EPRS1: variants seen among roughly 807,000 people sequenced by gnomAD.
EPRS1 encodes the protein glutamyl-prolyl-tRNA synthetase 1.
A neutral mutation model predicts 188.3 loss-of-function variants in EPRS1; 107 were observed. That is an observed-to-expected ratio of 0.57 (90% CI 0.49 to 0.67). The LOEUF (loss-of-function observed/expected upper bound fraction) is 0.67, where lower values mean the gene tolerates loss of function less well. Ranked by LOEUF, EPRS1 falls within the 30% of genes least tolerant of loss-of-function variation. EPRS1 has a pLI of 0.00. For missense variants in EPRS1, 1,577 were observed against 1,802.2 expected (o/e 0.88, Z 2.26); for synonymous variants, 596 against 593.1 (o/e 1.00, Z -0.07).
intron 24 of EPRS1, 53 bp downstream of exon 24, chr1:219,981,317 TAAAAAAAA>T: frequency 2.1e-6 from 2 of 968,724 alleles, no homozygotes; most frequent in South Asian, 4.3e-5. Flanking sequence ...AAATGTGCTT[TAAAAAAAA>T]AAAAAAAAAG....
In EPRS1 at chr1:220,021,908, C is replaced by A. The variant is rs145690244; in HGVS notation, c.1115+439G>T. ...CCATTTAAAACAAAGATTCGTTAAC[C>A]TACAAATCCACATTGAAAACTAATC... On this transcript the variant is annotated intron_variant, in intron 9 of 31. Transcript: ENST00000366923. 2.3e-4 allele frequency among the ~76,000 whole-genome samples: 35 copies of A among 151,854 alleles called. No individual in the cohort carries two copies. The East Asian group carries it at 3.1e-3, about 13-fold the overall frequency.
At chr1:220,044,707 A>AAC (rs1360408975) in intron 1 of EPRS1, among the ~76,000 whole-genome samples, 31 of 146,030 alleles carry the variant, frequency 2.1e-4, no homozygotes, top group African/African-American at 8.0e-4. Context: ...AAAAAAAAAA[A>AAC]AAAAAACAGT....
chr1:220,032,758 T>G (rs1662110864), intron 4 of EPRS1, among the ~76,000 whole-genome samples: 2 of 152,234 alleles, frequency 1.3e-5, no homozygotes, highest in South Asian at 4.1e-4. Context: ...TATGCAAAGC[T>G]GGGCATGCTG....
chr1:220,012,514 G>A (rs1473345141), intron 12 of EPRS1, among the ~76,000 whole-genome samples: 1 of 152,206 alleles, frequency 6.6e-6, no homozygotes, highest in Admixed American at 6.5e-5. Flanking sequence ...AACTTGGTCT[G>A]AAGTAAATTT....
intron 7 of EPRS1, 97 bp from the exon 8 acceptor site, chr1:220,024,553 C>A: frequency 2.7e-6 from 2 of 751,748 alleles, no homozygotes; most frequent in South Asian, 1.9e-5. Context: ...GTAACATAGA[C>A]CATCAGTCTT....
intron 1 of EPRS1, among the ~76,000 whole-genome samples, chr1:220,043,388 G>A (rs763174556): frequency 1.8e-4 from 27 of 151,758 alleles, no homozygotes; most frequent in Non-Finnish European, 4.0e-4. Flanking sequence ...TTTTTAAATG[G>A]GAAAAAGAGA....
intron 6 of EPRS1, among the ~76,000 whole-genome samples, chr1:220,025,887 T>C (rs1445455922): frequency 2.0e-5 from 3 of 151,782 alleles, no homozygotes; most frequent in East Asian, 3.9e-4. Flanking sequence ...CTCCACCTCC[T>C]GGGTTCAAGC....
At chr1:219,972,962 C>A (rs887398357) in intron 29 of EPRS1, among the ~76,000 whole-genome samples, 1 of 152,208 alleles carries the variant, frequency 6.6e-6, no homozygotes, top group Admixed American at 6.5e-5. Flanking sequence ...GAAGCCCTCA[C>A]ATTTATATCT....
Position 220,007,272 on chromosome 1 carries a change from C to T in EPRS1, c.1672G>A (p.Glu558Lys). ...ACCATCTCACCCTCCGAAAAAGTCT[C>T]TGCATCAGCACCTTCAATGAAAACT... ...PKVFIEGADA[E>K]TFSEGEMVTF... Residue 558 changes from glutamate to lysine, a missense_variant, in exon 14 of 32, where the codon GAG becomes AAG. Glu to Lys is a moderately conservative substitution (Grantham distance 56). Around this residue, in one of 3 missense-constraint regions of EPRS1, gnomAD observed 1,278 missense variants for 1,457.4 expected, o/e 0.88. Coordinates refer to ENST00000366923, the MANE Select transcript of EPRS1 (RefSeq NM_004446.3). 6.2e-7 allele frequency: 1 copy of T among 1,613,970 alleles called. No homozygotes were observed. The highest frequency in any genetic ancestry group is 2.2e-5 in the East Asian group (1 of 44,850).
At chr1:219,978,435 T>C in intron 28 of EPRS1, 111 bp downstream of exon 28, 3 of 786,226 alleles carry the variant, frequency 3.8e-6, no homozygotes, top group Non-Finnish European at 3.9e-6. Context: ...AACTCACAAC[T>C]ATCAAAATAG....
At chr1:220,037,020 C>A (rs1662194068) in intron 2 of EPRS1, among the ~76,000 whole-genome samples, 1 of 147,576 alleles carries the variant, frequency 6.8e-6, no homozygotes, top group Non-Finnish European at 1.5e-5. Flanking sequence ...AGGAACTTTC[C>A]AGAAAGTAAA....
rs146737744 is a variant in EPRS1 at position 220,046,368 on chromosome 1, G to A, written c.21C>T (p.Thr7=). 1.8e-5 allele frequency: 29 copies of A among 1,613,976 alleles called. No individual in the cohort carries two copies. The highest frequency in any genetic ancestry group is 1.3e-4 in the African/African-American group (10 of 74,938). MATLSL[T]VNSGDPPLGA... ...CTAGCGGAGGGTCTCCTGAATTCAC[G>A]GTCAGAGAGAGCGTCGCCATCTCCA... The change falls in exon 1 of 32, where the codon ACC becomes ACT. Residue 7 remains threonine, a synonymous_variant. Transcript: ENST00000366923.
chr1:220,022,538 T>G lies in EPRS1; in HGVS notation c.944-20A>C. ...CAATAGCTATAAAATGATAATTACA[T>G]TACGGTTCACTAATCTGGTTAAATT... On this transcript the variant is annotated intron_variant, in intron 8 of 31. Transcript: ENST00000366923. The G allele has an allele frequency of 6.4e-7, 1 of 1,572,058 alleles. No homozygotes were observed. Among genetic ancestry groups the G allele is most frequent in the Non-Finnish European group, 8.7e-7 (1 of 1,148,562 alleles).
rs145149599 is a variant in EPRS1 at position 219,985,496 on chromosome 1, G to A, written c.3039-1239C>T. 3.5e-3 allele frequency among the ~76,000 whole-genome samples: 529 copies of A among 152,196 alleles called. 5 individuals are homozygous for A. Among genetic ancestry groups the A allele is most frequent in the African/African-American group, 0.012 (516 of 41,534 alleles). On this transcript the variant is annotated intron_variant, in intron 20 of 31. Coordinates refer to ENST00000366923, the MANE Select transcript of EPRS1 (RefSeq NM_004446.3). ...CAACCTCCACCTCCCAGGTTTAAGC[G>A]ATTCTCGTGCCTCAGCCCCCCTCCC...
intron 21 of EPRS1, 95 bp from the exon 22 acceptor site, chr1:219,983,493 C>T: frequency 2.5e-6 from 2 of 808,828 alleles, no homozygotes; most frequent in Non-Finnish European, 3.9e-6. Flanking sequence ...AATCTGGAGG[C>T]TTCTACTGTT....
intron 30 of EPRS1, among the ~76,000 whole-genome samples, chr1:219,971,356 A>G (rs1355824838): frequency 6.6e-6 from 1 of 152,178 alleles, no homozygotes; most frequent in Non-Finnish European, 1.5e-5. Flanking sequence ...AAATCAATTA[A>G]ATCTTAAAGA....
At chr1:220,000,233 A>T (rs1175032894) in intron 17 of EPRS1, among the ~76,000 whole-genome samples, 1 of 152,234 alleles carries the variant, frequency 6.6e-6, no homozygotes, top group Non-Finnish European at 1.5e-5. Flanking sequence ...ACAGATGGGA[A>T]CTGGAACCAA....
In EPRS1 at chr1:220,034,241, T is replaced by C. The variant is rs1662136094; in HGVS notation, c.232-583A>G. 4.6e-5 allele frequency among the ~76,000 whole-genome samples: 7 copies of C among 152,296 alleles called. No individual in the cohort carries two copies. In the South Asian group the frequency reaches 1.4e-3, roughly 32 times the overall value. ...TGTTGTCTATGTTTAGATACACAAATACGTATTGTGTTACAATTACCTACT... is the reference window on the plus strand; with the variant it reads ...TGTTGTCTATGTTTAGATACACAAACACGTATTGTGTTACAATTACCTACT... On this transcript the variant is annotated intron_variant, in intron 3 of 31. Coordinates refer to ENST00000366923, the MANE Select transcript of EPRS1 (RefSeq NM_004446.3).
At chr1:220,030,603 T>C in intron 5 of EPRS1, 123 bp from the exon 6 acceptor site, 1 of 690,208 alleles carries the variant, frequency 1.4e-6, no homozygotes, top group East Asian at 2.7e-5. Context: ...GACTAGAACA[T>C]CATCCCTACA....
Sources: allele counts gnomAD v4.1 joint callset (sites outside exome capture counted in the v4.1 genomes callset), GRCh38; gene constraint gnomAD v4.1.1; regional missense constraint gnomAD v4.1.1; transcripts MANE v1.5; gene names NCBI Gene and HGNC (gene_info 2026-07-23, HGNC 2026-07-21).